The following ODAD2 variants were observed in gnomAD, a reference collection of about 807,000 sequenced individuals.
ODAD2 encodes the protein outer dynein arm docking complex subunit 2.
ODAD2 carries 89 observed loss-of-function variants against 106.8 expected under a neutral mutation model. That is an observed-to-expected ratio of 0.83 (90% CI 0.70 to 0.99). The LOEUF is 0.99. Ranked by LOEUF, ODAD2 falls within the 50% of genes least tolerant of loss-of-function variation. ODAD2 has a pLI of 0.00. For missense variants in ODAD2, 1,168 were observed against 1,238.5 expected (o/e 0.94, Z 0.85); for synonymous variants, 404 against 436.2 (o/e 0.93, Z 0.92).
chr10:27,938,410 G>A (rs747278455), intron 14 of ODAD2, among the ~76,000 whole-genome samples: 48 of 152,096 alleles, frequency 3.2e-4, no homozygotes, highest in Non-Finnish European at 5.9e-4. Flanking sequence ...AAAGGCAGCC[G>A]TCTACAAGCT....
chr10:27,850,527 A>G (rs1206040773), intron 19 of ODAD2, among the ~76,000 whole-genome samples: 1 of 151,836 alleles, frequency 6.6e-6, no homozygotes, highest in Non-Finnish European at 1.5e-5. Flanking sequence ...ACTACACTCT[A>G]GACTGGGTGA....
intron 19 of ODAD2, among the ~76,000 whole-genome samples, chr10:27,816,495 T>A (rs1387642133): frequency 6.6e-6 from 1 of 152,076 alleles, no homozygotes; most frequent in Non-Finnish European, 1.5e-5. Context: ...AGCCATATGG[T>A]CTGTGCTGGG....
At chr10:27,813,733 T>C (rs1835916751) in intron 19 of ODAD2, among the ~76,000 whole-genome samples, 1 of 152,172 alleles carries the variant, frequency 6.6e-6, no homozygotes, top group Non-Finnish European at 1.5e-5. Context: ...AAAGAAGTTA[T>C]TTAAGCACTT....
At chr10:27,916,048 T>C (rs1197053081) in intron 16 of ODAD2, among the ~76,000 whole-genome samples, 3 of 151,984 alleles carry the variant, frequency 2.0e-5, no homozygotes, top group East Asian at 1.9e-4. Context: ...AATAGAGTGA[T>C]TGAAGCAATC....
intron 17 of ODAD2, among the ~76,000 whole-genome samples, chr10:27,866,849 T>C (rs1840474956): frequency 6.6e-6 from 1 of 152,124 alleles, no homozygotes; most frequent in Non-Finnish European, 1.5e-5. Flanking sequence ...CTCCTCCCAT[T>C]AGACCCCACT....
intron 19 of ODAD2, among the ~76,000 whole-genome samples, chr10:27,852,587 C>A (rs1839340574): frequency 6.6e-6 from 1 of 151,900 alleles, no homozygotes; most frequent in Admixed American, 6.6e-5. Context: ...TTCAAATAAT[C>A]CAAGAGGAGA....
In ODAD2 at chr10:27,937,086, A is replaced by G. The variant is rs564169536; in HGVS notation, c.2098-206T>C. 4.6e-5 allele frequency among the ~76,000 whole-genome samples: 7 copies of G among 152,268 alleles called. No individual in the cohort carries two copies. In the South Asian group the frequency reaches 1.5e-3, roughly 32 times the overall value. On this transcript the variant is annotated intron_variant, in intron 14 of 19. Coordinates refer to ENST00000305242, the MANE Select transcript of ODAD2 (RefSeq NM_018076.5). ...TCTCCTTATGTGGCTTTGGGAATGG[A>G]TAGCAGTTTCTAAGTACTCAGCAAT...
rs577074683 is a variant in ODAD2, at chr10:27,873,844, T to C, written c.2611-11222A>G. On this transcript the variant is annotated intron_variant, in intron 17 of 19. Coordinates refer to ENST00000305242, the MANE Select transcript of ODAD2 (RefSeq NM_018076.5). ...GAATGCATATTCTGTTGATTTGGGGTGGAGAGTTCTGTAGGTGTCTATTAG... is the reference window on the plus strand; with the variant it reads ...GAATGCATATTCTGTTGATTTGGGGCGGAGAGTTCTGTAGGTGTCTATTAG... Among the ~76,000 whole-genome samples the C allele has an allele frequency of 6.6e-5, 10 of 152,264 alleles. No individual in the cohort carries two copies. In the East Asian group the frequency reaches 1.9e-3, roughly 29 times the overall value.
intron 14 of ODAD2, among the ~76,000 whole-genome samples, chr10:27,938,879 G>A (rs1243810771): frequency 6.6e-6 from 1 of 151,948 alleles, no homozygotes; most frequent in Non-Finnish European, 1.5e-5. Context: ...GGAATACGGG[G>A]ACTGCAGGGC....
At chr10:27,815,379 C>A (rs932783806) in intron 19 of ODAD2, among the ~76,000 whole-genome samples, 2 of 152,160 alleles carry the variant, frequency 1.3e-5, no homozygotes, top group African/African-American at 4.8e-5. Context: ...CCCTTCATAG[C>A]CAAATTTCTT....
intron 9 of ODAD2, among the ~76,000 whole-genome samples, chr10:27,965,150 C>T (rs1272547895): frequency 1.3e-5 from 2 of 152,040 alleles, no homozygotes; most frequent in African/African-American, 4.8e-5. Flanking sequence ...CAGTCAATGT[C>T]AAAATTGTCA....
intron 16 of ODAD2, among the ~76,000 whole-genome samples, chr10:27,924,006 GAAAGAA>G (rs1445307922): frequency 7.7e-6 from 1 of 130,624 alleles, no homozygotes; most frequent in African/African-American, 2.9e-5. Flanking sequence ...AAGAAAGAAA[GAAAGAA>G]AGAAAGAAAG....
chr10:27,844,189 T>C (rs765619120), intron 19 of ODAD2, among the ~76,000 whole-genome samples: 24 of 152,254 alleles, frequency 1.6e-4, no homozygotes, highest in Admixed American at 2.6e-4. Flanking sequence ...AGCAAGACCC[T>C]GTCTCAAACC....
At chr10:27,982,002 AC>A (rs1236795444) in intron 6 of ODAD2, 4 of 153,032 alleles carry the variant, frequency 2.6e-5, no homozygotes, top group African/African-American at 9.7e-5. Context: ...TCTGTTTGTC[AC>A]ACTCTGTTCT....
chr10:27,935,587 A>C (rs1367765130), intron 15 of ODAD2, among the ~76,000 whole-genome samples: 1 of 152,114 alleles, frequency 6.6e-6, no homozygotes, highest in Non-Finnish European at 1.5e-5. Context: ...AATGTTTAAT[A>C]AAAATAAATT....
chr10:27,973,772 G>T (rs1054501682), intron 7 of ODAD2, among the ~76,000 whole-genome samples: 5 of 152,126 alleles, frequency 3.3e-5, no homozygotes, highest in African/African-American at 1.2e-4. Context: ...TTTATGCGAT[G>T]ATTTATATTT....
intron 16 of ODAD2, among the ~76,000 whole-genome samples, chr10:27,924,614 G>GAAAAAAAAAAAAAAAAA (rs60226782): frequency 3.2e-4 from 4 of 12,648 alleles, no homozygotes; most frequent in African/African-American, 4.3e-4. Context: ...TGATTAGGAG[G>GAAAAAAAAAAAAAAAAA]AAAAAAAAAA....
intron 10 of ODAD2, among the ~76,000 whole-genome samples, chr10:27,958,627 T>C (rs1370341202): frequency 3.9e-5 from 6 of 152,174 alleles, no homozygotes; most frequent in African/African-American, 1.4e-4. Flanking sequence ...CCTGCACGAG[T>C]CAGTTAAGTC....
intron 13 of ODAD2, 146 bp from the exon 14 acceptor site, chr10:27,940,153 T>A: frequency 3.4e-6 from 2 of 587,004 alleles, no homozygotes; most frequent in East Asian, 5.9e-5. Context: ...AATAAGAGAA[T>A]CAACTGAATT....
Sources: allele counts gnomAD v4.1 joint callset (sites outside exome capture counted in the v4.1 genomes callset), GRCh38; gene constraint gnomAD v4.1.1; transcripts MANE v1.5; gene names NCBI Gene and HGNC (gene_info 2026-07-23, HGNC 2026-07-21).